The following PRRC2A variants were observed in gnomAD, a reference collection of about 807,000 sequenced individuals.
PRRC2A encodes protein PRRC2A.
PRRC2A carries 59 observed loss-of-function variants against 224.6 expected under a neutral mutation model. That is an observed-to-expected ratio of 0.26 (90% CI 0.21 to 0.33). The LOEUF is 0.33. Ranked by LOEUF, PRRC2A falls within the 10% of genes least tolerant of loss-of-function variation. The pLI is 1.00. For synonymous variants in PRRC2A, 1,194 were observed against 1,109.5 expected (o/e 1.08, Z -1.51); for missense variants, 3,095 against 2,880.7 (o/e 1.07, Z -1.70).
rs1417195518 is a variant in PRRC2A at position 31,636,803 on chromosome 6, C to T, written c.6005C>T (p.Pro2002Leu). The change falls in exon 28 of 31, where the codon CCT (proline) becomes CTT (leucine). Residue 2002 changes from proline (P) to leucine (L), a missense_variant. Coordinates refer to ENST00000376033, the MANE Select transcript of PRRC2A (RefSeq NM_004638.4). This position sits in a 1 kb window ranked among gnomAD's most constrained non-coding sequence, Gnocchi z 4.3. ...GGCTCCCTGCCGCCAGCACCACCTCCTGCCCCACCTCCCCTTTCTCTGTTA... is the reference window on the plus strand; with the variant it reads ...GGCTCCCTGCCGCCAGCACCACCTCTTGCCCCACCTCCCCTTTCTCTGTTA... ...NFGSLPPAPP[P>L]APPPLSLLPV... is the part of the protein sequence containing the mutation. The T allele has an allele frequency of 1.9e-6, 3 of 1,609,734 alleles. No individual in the cohort carries two copies. Among genetic ancestry groups the T allele is most frequent in the Admixed American group, 1.7e-5 (1 of 60,026 alleles).
chr6:31,631,236 C>T lies in PRRC2A; in HGVS notation c.2563C>T (p.Pro855Ser), dbSNP rs1196409725. The change falls in exon 16 of 31, where the codon CCT becomes TCT. Residue 855 changes from proline to serine, a missense_variant. Physicochemically the swap from Pro to Ser is moderately conservative, Grantham distance 74. Transcript: ENST00000376033. This position sits in a 1 kb window ranked among gnomAD's most constrained non-coding sequence, Gnocchi z 4.5. ...CCCTGGGCCCCCAATCTCTCGCTTT[C>T]CTCTGGAGGAACCAGGGCCCCGTCC... ...GAPGPPISRFPLEEPGPRPLP... is the reference protein window; with the variant it reads ...GAPGPPISRFSLEEPGPRPLP... 3.1e-6 allele frequency: 5 copies of T among 1,611,560 alleles called. No homozygotes were observed. The highest frequency in any genetic ancestry group is 2.7e-5 in the African/African-American group (2 of 74,784).
Position 31,632,625 on chromosome 6 carries a change from A to G in PRRC2A, c.3952A>G (p.Asn1318Asp). The change falls in exon 16 of 31, where the codon AAT (asparagine) becomes GAT (aspartate). Residue 1318 changes from asparagine to aspartate, a missense_variant. Asn to Asp is a conservative substitution (Grantham distance 23). Transcript: ENST00000376033. ...GTCAAACCAGAACTCAGACCAAGCC[A>G]ATGAGGAATGGGAGACTGCATCAGA... Reference protein sequence around the residue: ...DLSNQNSDQANEEWETASESS... With the variant: ...DLSNQNSDQADEEWETASESS... 6.2e-7 allele frequency: 1 copy of G among 1,613,054 alleles called. No individual in the cohort carries two copies. The highest frequency in any genetic ancestry group is 8.5e-7 in the Non-Finnish European group (1 of 1,180,016).
chr6:31,636,686 A>C lies in PRRC2A; in HGVS notation c.5935-47A>C, dbSNP rs1457495206. On this transcript the variant is annotated intron_variant, in intron 27 of 30. Coordinates refer to ENST00000376033, the MANE Select transcript of PRRC2A (RefSeq NM_004638.4). This position sits in a 1 kb window ranked among gnomAD's most constrained non-coding sequence, Gnocchi z 4.3. ...GGCTTTGATTTTCCCTGGTTTTCTG[A>C]CATTCCTCCCTGCCCCCAACATGCA... 4.4e-6 allele frequency: 7 copies of C among 1,596,892 alleles called. No homozygotes were observed. Among genetic ancestry groups the C allele is most frequent in the Non-Finnish European group, 5.1e-6 (6 of 1,168,808 alleles).
Position 31,632,297 on chromosome 6 carries a change from T to C in PRRC2A, c.3624T>C (p.Pro1208=). ...GCCCTTTGCCACCAAGTAAGGAGCC[T>C]TTGAAAGAGAAGTTGATCCCAGGGC... The part of the protein sequence containing the change: ...PTGPLPPSKE[P]LKEKLIPGPL... The change falls in exon 16 of 31, where the codon CCT becomes CCC. Residue 1208 remains proline, a synonymous_variant. Transcript: ENST00000376033. 6.2e-7 allele frequency: 1 copy of C among 1,613,142 alleles called. No homozygotes were observed. Among genetic ancestry groups the C allele is most frequent in the Non-Finnish European group, 8.5e-7 (1 of 1,179,964 alleles).
rs767171082 is a variant in PRRC2A, at chr6:31,628,129, C to G, written c.1655C>G (p.Ala552Gly). The change falls in exon 12 of 31, where the codon GCC (alanine) becomes GGC (glycine). Residue 552 changes from alanine (A) to glycine (G), a missense_variant. Around this residue, in one of 8 missense-constraint regions of PRRC2A, gnomAD observed 2,001 missense variants for 1,764.9 expected, o/e 1.13. Coordinates refer to ENST00000376033, the MANE Select transcript of PRRC2A (RefSeq NM_004638.4). ...ACAGAACCTGAAGAGCCAGCACAGG[C>G]CCCTCCTGCCCAATCTACTCCTACT... ...PETEPEEPAQ[A>G]PPAQSTPTPG... 1 of 1,613,092 alleles carries G rather than the reference C, an allele frequency of 6.2e-7. No individual in the cohort carries two copies. Among genetic ancestry groups the G allele is most frequent in the Non-Finnish European group, 8.5e-7 (1 of 1,179,996 alleles).
In PRRC2A at chr6:31,633,911, T is replaced by A; in HGVS notation, c.4641T>A (p.Pro1547=). Residue 1547 remains proline (P), a synonymous_variant, in exon 18 of 31, where the codon CCT becomes CCA. Coordinates refer to ENST00000376033, the MANE Select transcript of PRRC2A (RefSeq NM_004638.4). ...TGGTGAGAGGGGTGGGTGGGACTCC[T>A]CGGGACTCTGCCGGGGTTAGTCCCT... The part of the protein sequence containing the change: ...GPMVRGVGGT[P]RDSAGVSPFP... 1 of 1,585,130 alleles carries A rather than the reference T, an allele frequency of 6.3e-7. No homozygotes were observed. Among genetic ancestry groups the A allele is most frequent in the South Asian group, 1.2e-5 (1 of 86,222 alleles).
At position 31,627,244 on chromosome 6, in the gene PRRC2A, T is replaced by C. The variant is rs1336364277; in HGVS notation, c.1290+46T>C. 3 of 1,361,104 alleles carry C rather than the reference T, an allele frequency of 2.2e-6. No individual in the cohort carries two copies. In the African/African-American group the frequency reaches 4.4e-5, roughly 20 times the overall value. 84.3% of individuals were successfully genotyped at this position (1,361,104 alleles called of 1,614,324 possible). On this transcript the variant is annotated intron_variant, in intron 11 of 30. Coordinates refer to ENST00000376033, the MANE Select transcript of PRRC2A (RefSeq NM_004638.4). This position sits in a 1 kb window ranked among gnomAD's most constrained non-coding sequence, Gnocchi z 5.6. ...ATTGAGAGGGTCAGCTGTGGGAAAT[T>C]GGTGTCAGCTGAGTAATTGAAGCGG...
rs1421979677 is a variant in PRRC2A at position 31,632,931 on chromosome 6, G to A, written c.4258G>A (p.Gly1420Arg). Residue 1420 changes from glycine to arginine, a missense_variant, in exon 16 of 31, where the codon GGA (glycine) becomes AGA (arginine). Physicochemically the swap from Gly to Arg is moderately radical, Grantham distance 125. Around this residue, in one of 8 missense-constraint regions of PRRC2A, gnomAD observed 2,001 missense variants for 1,764.9 expected, o/e 1.13. Transcript: ENST00000376033. ...SSSGGGGGGP[G>R]GRTGPGRGDK... The stretch of plus-strand genomic sequence containing the variant: ...CAGTGGAGGAGGCGGTGGGGGTCCT[G>A]GAGGAAGGACCGGGCCAGGACGAGG... 3.7e-6 allele frequency: 6 copies of A among 1,611,982 alleles called. No homozygotes were observed. The African/African-American group carries it at 5.3e-5, about 14-fold the overall frequency.
intron 15 of PRRC2A, 85 bp downstream of exon 15, chr6:31,630,886 A>G: frequency 6.7e-7 from 1 of 1,499,082 alleles, no homozygotes; most frequent in Non-Finnish European, 9.1e-7. Context: ...AGTGGTAGGG[A>G]TAGGGATGAA....
Position 31,631,916 on chromosome 6 carries a change from C to A in PRRC2A, c.3243C>A (p.Gly1081=), listed in dbSNP as rs1042146903. The change falls in exon 16 of 31, where the codon GGC becomes GGA. Residue 1081 remains glycine, a synonymous_variant. Transcript: ENST00000376033. The surrounding 1 kb of genome is among the most constrained non-coding windows in gnomAD (Gnocchi z 4.5). ...CAAACCACCCTCCTGCTCCCCGAGG[C>A]CGCACTGCCAGCGAGACACGGAGCG... ...GGPNHPPAPR[G]RTASETRSEG... 3 of 1,612,570 alleles carry A rather than the reference C, an allele frequency of 1.9e-6. No homozygotes were observed. In the Admixed American group the frequency reaches 5.0e-5, roughly 27 times the overall value.
At position 31,630,768 on chromosome 6, in the gene PRRC2A, G is replaced by C; in HGVS notation, c.2432G>C (p.Arg811Pro). Reference protein sequence around the residue: ...AEPRPLTSPLRQAADEDDKGM... With the variant: ...AEPRPLTSPLPQAADEDDKGM... ...CCCCGCCCACTTACCTCACCTCTGC[G>C]CCAGGCTGCGGATGAGGATGACAAG... The change falls in exon 15 of 31, where the codon CGC (arginine) becomes CCC (proline). Residue 811 changes from arginine (R) to proline (P), a missense_variant. By Grantham distance (103) the Arg-to-Pro change is moderately radical. Around this residue, in one of 8 missense-constraint regions of PRRC2A, gnomAD observed 2,001 missense variants for 1,764.9 expected, o/e 1.13. Coordinates refer to ENST00000376033, the MANE Select transcript of PRRC2A (RefSeq NM_004638.4). The C allele has an allele frequency of 1.2e-6, 2 of 1,614,176 alleles. No homozygotes were observed. The highest frequency in any genetic ancestry group is 1.7e-6 in the Non-Finnish European group (2 of 1,180,038).
At chr6:31,635,534 G>A in intron 23 of PRRC2A, 48 bp from the exon 24 acceptor site, 1 of 1,611,362 alleles carries the variant, frequency 6.2e-7, no homozygotes, top group East Asian at 2.2e-5. Context: ...AGTGACCAGG[G>A]CGTCCAGGAT....
chr6:31,626,037 C>T lies in PRRC2A; in HGVS notation c.857C>T (p.Ala286Val), dbSNP rs768204145. Residue 286 changes from alanine (A) to valine (V), a missense_variant, in exon 9 of 31, where the codon GCG (alanine) becomes GTG (valine). Physicochemically the swap from Ala to Val is moderately conservative, Grantham distance 64. Coordinates refer to ENST00000376033, the MANE Select transcript of PRRC2A (RefSeq NM_004638.4). ...GTGTACAGCCGTTTTCCCCGTGTGG[C>T]GGGCCCCCGAGGCTCAGGGCCACCA... ...PDGPSRFPRV[A>V]GPRGSGPPMR... 17 of 1,603,062 alleles carry T rather than the reference C, an allele frequency of 1.1e-5. No individual in the cohort carries two copies. The highest frequency in any genetic ancestry group is 1.3e-5 in the Non-Finnish European group (15 of 1,175,578).
Position 31,622,912 on chromosome 6 carries a change from T to C in PRRC2A, c.112+11T>C, listed in dbSNP as rs1260286437. The C allele has an allele frequency of 1.2e-6, 2 of 1,603,010 alleles. No individual in the cohort carries two copies. The highest frequency in any genetic ancestry group is 1.7e-6 in the Non-Finnish European group (2 of 1,169,882). ...TCCAGAAACCCGCTGGTGAGAGTCC[T>C]GCAAAGATGCTTCTGATGGTTGAAA... On this transcript the variant is annotated intron_variant, in intron 2 of 30. Coordinates refer to ENST00000376033, the MANE Select transcript of PRRC2A (RefSeq NM_004638.4).
chr6:31,630,889 G>A, intron 15 of PRRC2A, 88 bp downstream of exon 15: 4 of 1,478,206 alleles, frequency 2.7e-6, no homozygotes, highest in Non-Finnish European at 3.7e-6. Flanking sequence ...GGTAGGGATA[G>A]GGATGAACGG....
In PRRC2A at chr6:31,631,417, C is replaced by T. The variant is rs748888759; in HGVS notation, c.2744C>T (p.Pro915Leu). 6.2e-7 allele frequency: 1 copy of T among 1,609,902 alleles called. No homozygotes were observed. Among genetic ancestry groups the T allele is most frequent in the Non-Finnish European group, 8.5e-7 (1 of 1,178,862 alleles). ...GVGSGGQGPP[P>L]PRRESRTETR... The stretch of plus-strand genomic sequence containing the variant: ...GGGAGTGGAGGCCAGGGCCCCCCAC[C>T]ACCACGCAGAGAGAGTCGCACAGAG... The change falls in exon 16 of 31, where the codon CCA (proline) becomes CTA (leucine). Residue 915 changes from proline to leucine, a missense_variant. Physicochemically the swap from Pro to Leu is moderately conservative, Grantham distance 98. This residue lies in a region of PRRC2A where 2,001 missense variants were observed against 1,764.9 expected (regional missense o/e 1.13). Coordinates refer to ENST00000376033, the MANE Select transcript of PRRC2A (RefSeq NM_004638.4). The surrounding 1 kb of genome is among the most constrained non-coding windows in gnomAD (Gnocchi z 4.5).
intron 1 of PRRC2A, 32 bp from the exon 2 acceptor site, chr6:31,622,658 G>T (rs1775422101): frequency 1.5e-6 from 1 of 665,018 alleles, no homozygotes; most frequent in South Asian, 2.0e-5. Context: ...TAATGCAATG[G>T]AGTTTTTAAG....
At position 31,632,815 on chromosome 6, in the gene PRRC2A, G is replaced by A. The variant is rs1480745203; in HGVS notation, c.4142G>A (p.Ser1381Asn). Residue 1381 changes from serine to asparagine, a missense_variant, in exon 16 of 31, where the codon AGT becomes AAT. Coordinates refer to ENST00000376033, the MANE Select transcript of PRRC2A (RefSeq NM_004638.4). ...GDLSQRAKDL[S>N]KRSFSSQRPG... ...CTGAGCCAGAGAGCCAAGGATTTGA[G>A]TAAACGGAGCTTCTCAAGTCAGCGG... 2 of 1,613,030 alleles carry A rather than the reference G, an allele frequency of 1.2e-6. No homozygotes were observed. Among genetic ancestry groups the A allele is most frequent in the East Asian group, 2.2e-5 (1 of 44,892 alleles).
rs1776255625 is a variant in PRRC2A, at chr6:31,629,200, C to T, written c.1822C>T (p.Pro608Ser). Residue 608 changes from proline (P) to serine (S), a missense_variant, in exon 13 of 31, where the codon CCT (proline) becomes TCT (serine). Pro to Ser is a moderately conservative substitution (Grantham distance 74). This residue lies in a region of PRRC2A where 2,001 missense variants were observed against 1,764.9 expected (regional missense o/e 1.13). Coordinates refer to ENST00000376033, the MANE Select transcript of PRRC2A (RefSeq NM_004638.4). ...TGAACCACCAGAAGAGGTTCCTCCT[C>T]CTACCACACCCCCAGTTCCAAAGGT... ...GPEPPEEVPP[P>S]TTPPVPKVEP... 1.2e-6 allele frequency: 2 copies of T among 1,614,018 alleles called. No homozygotes were observed. The highest frequency in any genetic ancestry group is 2.2e-5 in the East Asian group (1 of 44,898).
Sources: allele counts gnomAD v4.1 joint callset, GRCh38; gene constraint gnomAD v4.1.1; regional missense constraint gnomAD v4.1.1; non-coding constraint Gnocchi (gnomAD v3.1); transcripts MANE v1.5; gene names NCBI Gene and HGNC (gene_info 2026-07-23, HGNC 2026-07-21).